Variants in FGA observed in about 807,000 individuals in gnomAD.
The protein encoded by FGA is fibrinogen, A alpha polypeptide.
A neutral mutation model predicts 20.3 loss-of-function variants in FGA; 20 were observed. The observed-to-expected ratio is 0.99, with a 90% CI of 0.69 to 1.43. The LOEUF is 1.43. FGA is among the 40% of genes most tolerant of loss of function. The probability of loss-of-function intolerance (pLI) is 0.00; values close to 1 mark genes in which losing one functional copy is unlikely to be tolerated. For missense variants in FGA, 777 were observed against 784.7 expected, an observed-to-expected ratio of 0.99 and a Z score of 0.12; for synonymous variants, 306 against 281.6, an observed-to-expected ratio of 1.09 and a Z score of -0.87.
chr4:154,584,623 T>C, downstream of FGA: 1 of 1,614,180 alleles, frequency 6.2e-7, no homozygotes, highest in Non-Finnish European at 8.5e-7. Flanking sequence ...TTCCCCCTCG[T>C]CATTCAGGCT....
chr4:154,584,078 T>G (rs748648680), downstream of FGA: 3 of 847,838 alleles, frequency 3.5e-6, no homozygotes, highest in Non-Finnish European at 4.8e-6. Context: ...TTCTCTCCAC[T>G]TCTCTAGCAA....
chr4:154,584,572 G>A, downstream of FGA: 1 of 1,614,154 alleles, frequency 6.2e-7, no homozygotes, highest in Non-Finnish European at 8.5e-7. Context: ...GCCCCTTTGG[G>A]TTAGTAAGTG....
At chr4:154,585,122 A>C, downstream of FGA, 1 of 753,258 alleles carries the variant, frequency 1.3e-6, no homozygotes, top group Admixed American at 3.3e-5. Context: ...AGCATCACTT[A>C]ATACTAACAC....
downstream of FGA, chr4:154,583,888 A>G (rs963532017): frequency 9.5e-6 from 5 of 528,570 alleles, no homozygotes; most frequent in Admixed American, 9.5e-5. Flanking sequence ...CCCTTGGTAT[A>G]TCTTTATAAA....
At chr4:154,584,767 G>C, downstream of FGA, 3 of 1,614,002 alleles carry the variant, frequency 1.9e-6, no homozygotes, top group Non-Finnish European at 2.5e-6. Context: ...ACTGGATCCC[G>C]GTAGCTTGAT....
chr4:154,585,518 C>T lies in FGA; in HGVS notation c.1911G>A (p.Leu637=). The part of the protein sequence containing the change: ...RPVRGIHTSP[L]GKPSLSP The stretch of plus-strand genomic sequence containing the variant: ...TCTAGGGGGACAGGGAAGGCTTCCC[C>T]AAAGGAGAAGTGTGGATACCTCTGA... The change falls in exon 5 of 5, where the codon TTG becomes TTA. Residue 637 remains leucine, a synonymous_variant. Transcript: ENST00000403106. The T allele has an allele frequency of 6.2e-7, 1 of 1,611,308 alleles. No homozygotes were observed. Among genetic ancestry groups the T allele is most frequent in the Non-Finnish European group, 8.5e-7 (1 of 1,177,536 alleles).
At position 154,586,480 on chromosome 4, in the gene FGA, C is replaced by G. The variant is rs1488962866; in HGVS notation, c.949G>C (p.Gly317Arg). The change falls in exon 5 of 5, where the codon GGG becomes CGG. Residue 317 changes from glycine to arginine, a missense_variant. Gly to Arg is a moderately radical substitution (Grantham distance 125). Transcript: ENST00000403106. The part of the protein sequence containing the change: ...NRNPGSSGTG[G>R]TATWKPGSSG... The stretch of plus-strand genomic sequence containing the variant: ...CTCCCAGGTTTCCAGGTTGCAGTCC[C>G]TCCAGTCCCAGAGCTCCCAGGGTTT... 6.2e-7 allele frequency: 1 copy of G among 1,613,658 alleles called. No homozygotes were observed. Among genetic ancestry groups the G allele is most frequent in the East Asian group, 2.2e-5 (1 of 44,854 alleles).
Position 154,585,327 on chromosome 4 carries a change from G to A in FGA, c.*167C>T. On this transcript the variant is annotated 3_prime_UTR_variant, in exon 5 of 5. Coordinates refer to ENST00000403106, the MANE Select transcript of FGA (RefSeq NM_021871.4). The stretch of plus-strand genomic sequence containing the variant: ...TTGAGTCATGGCTCTGTACTGTTAG[G>A]CATTTGGGAATACAGAGATGAGACA... The A allele has an allele frequency of 8.4e-7, 1 of 1,183,498 alleles. No individual in the cohort carries two copies. The highest frequency in any genetic ancestry group is 1.2e-6 in the Non-Finnish European group (1 of 864,250). 73.3% of individuals were successfully genotyped at this position (1,183,498 alleles called of 1,614,324 possible).
intron 3 of FGA, among the ~76,000 whole-genome samples, chr4:154,588,313 A>G (rs917353693): frequency 6.6e-6 from 1 of 152,140 alleles, no homozygotes; most frequent in African/African-American, 2.4e-5. Flanking sequence ...ATGTTTCCTA[A>G]CCCTAATGAG....
At chr4:154,584,745 A>G (rs375829433), downstream of FGA, 6 of 1,614,052 alleles carry the variant, frequency 3.7e-6, no homozygotes, top group African/African-American at 2.7e-5. Context: ...CGCAATAAAC[A>G]GAAAAAATCT....
chr4:154,589,678 G>T, intron 1 of FGA, 116 bp from the exon 2 acceptor site: 1 of 1,175,512 alleles, frequency 8.5e-7, no homozygotes, highest in Non-Finnish European at 1.3e-6. Flanking sequence ...AGAGATTAAG[G>T]AGAGCAGACA....
At chr4:154,589,392 G>T in intron 2 of FGA, 45 bp downstream of exon 2, 1 of 1,608,562 alleles carries the variant, frequency 6.2e-7, no homozygotes, top group Non-Finnish European at 8.5e-7. Context: ...AGCCCCTCTA[G>T]CATCAGAGGG....
At chr4:154,590,612 G>T (rs941937412) in intron 1 of FGA, 22 bp downstream of exon 1, 3 of 1,547,024 alleles carry the variant, frequency 1.9e-6, no homozygotes, top group East Asian at 2.4e-5. Flanking sequence ...AAAGCAAGAA[G>T]AAAAAATGAA....
chr4:154,586,558 T>A lies in FGA; in HGVS notation c.871A>T (p.Ser291Cys), dbSNP rs780493488. 6.2e-7 allele frequency: 1 copy of A among 1,614,146 alleles called. No homozygotes were observed. The highest frequency in any genetic ancestry group is 1.1e-5 in the South Asian group (1 of 91,086). ...SETESPRNPS[S>C]AGSWNSGSSG... ...CTCCCAGAGTTCCAGCTTCCAGCAC[T>A]GCTAGGGTTCCTGGGGCTTTCCGTC... is the stretch of plus-strand genomic sequence containing the variant. Residue 291 changes from serine (S) to cysteine (C), a missense_variant, in exon 5 of 5, where the codon AGT (serine) becomes TGT (cysteine). Transcript: ENST00000403106.
chr4:154,585,024 A>G (rs555406918), downstream of FGA, among the ~76,000 whole-genome samples: 4 of 152,336 alleles, frequency 2.6e-5, no homozygotes, highest in South Asian at 8.3e-4. Flanking sequence ...GGTTATTTAT[A>G]CCTACAAATT....
downstream of FGA, chr4:154,583,980 A>G (rs936479047): frequency 2.9e-6 from 2 of 699,054 alleles, no homozygotes; most frequent in African/African-American, 3.6e-5. Context: ...TGTCTCAGGT[A>G]CATTTAGCTA....
chr4:154,584,103 T>TCCCATTCCCACTTCGAAGACAGAGTGCG (rs777609357), downstream of FGA: 38 of 1,572,118 alleles, frequency 2.4e-5, no homozygotes, highest in Non-Finnish European at 3.2e-5. Context: ...GACAGAGTGC[T>TCCCATTCCCACTTCGAAGACAGAGTGCG]CCCATTCCCA....
Position 154,586,095 on chromosome 4 carries a change from C to T in FGA, c.1334G>A (p.Gly445Asp). The T allele has an allele frequency of 1.2e-6, 2 of 1,614,094 alleles. No individual in the cohort carries two copies. Among genetic ancestry groups the T allele is most frequent in the South Asian group, 2.2e-5 (2 of 91,052 alleles). Reference sequence around the variant, plus strand: ...GCTACCAGAGGTGACCTTCTCTTTACCAGTCCTGAGCTCTTTATCTCCTTT... The same window carrying T: ...GCTACCAGAGGTGACCTTCTCTTTATCAGTCCTGAGCTCTTTATCTCCTTT... ...TSKGDKELRT[G>D]KEKVTSGSTT... Residue 445 changes from glycine (G) to aspartate (D), a missense_variant, in exon 5 of 5, where the codon GGT (glycine) becomes GAT (aspartate). Gly to Asp is a moderately conservative substitution (Grantham distance 94). Coordinates refer to ENST00000403106, the MANE Select transcript of FGA (RefSeq NM_021871.4).
Position 154,586,665 on chromosome 4 carries a change from G to A in FGA, c.764C>T (p.Pro255Leu), listed in dbSNP as rs753665794. The change falls in exon 5 of 5, where the codon CCG becomes CTG. Residue 255 changes from proline (P) to leucine (L), a missense_variant. Transcript: ENST00000403106. ...TCTCTCTAACTCCATTCTCATCTGC[G>A]GCATGTCTGTTAATGCCTTCCACTC... is the stretch of plus-strand genomic sequence containing the variant. ...PPEWKALTDMPQMRMELERPG... is the reference protein window; with the variant it reads ...PPEWKALTDMLQMRMELERPG... The A allele has an allele frequency of 1.2e-6, 2 of 1,614,118 alleles. No homozygotes were observed. Among genetic ancestry groups the A allele is most frequent in the African/African-American group, 1.3e-5 (1 of 75,024 alleles).
Sources: allele counts gnomAD v4.1 joint callset (sites outside exome capture counted in the v4.1 genomes callset), GRCh38; gene constraint gnomAD v4.1.1; transcripts MANE v1.5; gene names NCBI Gene and HGNC (gene_info 2026-07-23, HGNC 2026-07-21).